The following DROSHA variants were observed in gnomAD, a reference collection of about 807,000 sequenced individuals.
DROSHA encodes ribonuclease 3.
A neutral mutation model predicts 181.9 loss-of-function variants in DROSHA; 56 were observed. That is an observed-to-expected ratio of 0.31 (90% CI 0.25 to 0.38). The LOEUF is 0.38. DROSHA is among the 10% of genes least tolerant of loss of function. The probability of loss-of-function intolerance (pLI) is 1.00; values close to 1 mark genes in which losing one functional copy is unlikely to be tolerated. For synonymous variants in DROSHA, 524 were observed against 591.2 expected, an observed-to-expected ratio of 0.89 and a Z score of 1.65; for missense variants, 1,218 against 1,743.5, an observed-to-expected ratio of 0.70 and a Z score of 5.37.
At chr5:31,418,391 C>T (rs1742238181) in intron 30 of DROSHA, among the ~76,000 whole-genome samples, 1 of 152,176 alleles carries the variant, frequency 6.6e-6, no homozygotes, top group African/African-American at 2.4e-5. Flanking sequence ...ACTTCAGCCT[C>T]CCAAGTAACT....
intron 15 of DROSHA, among the ~76,000 whole-genome samples, chr5:31,484,186 A>C (rs1223757229): frequency 1.3e-5 from 2 of 152,014 alleles, no homozygotes; most frequent in African/African-American, 2.4e-5. Context: ...CCTGGCTAAC[A>C]CAGAGAAATC....
In DROSHA at chr5:31,529,052, T is replaced by G. The variant is rs576224164; in HGVS notation, c.8A>C (p.Gln3Pro). 6.2e-7 allele frequency: 1 copy of G among 1,613,284 alleles called. No homozygotes were observed. Among genetic ancestry groups the G allele is most frequent in the African/African-American group, 1.3e-5 (1 of 75,042 alleles). The part of the protein sequence containing the change: MM[Q>P]GNTCHRMSFH... The stretch of plus-strand genomic sequence containing the variant: ...TCACGGCACTCACCATGTGTTTCCC[T>G]GCATCATGATGTTCCGCCTGGATAT... The change falls in exon 4 of 36, where the codon CAG becomes CCG. Residue 3 changes from glutamine (Q) to proline (P), a missense_variant. Around this residue, in one of 8 missense-constraint regions of DROSHA, gnomAD observed 536 missense variants for 535.4 expected, o/e 1.00. Transcript: ENST00000344624.
intron 13 of DROSHA, 103 bp downstream of exon 13, chr5:31,493,104 A>C (rs1365374623): frequency 8.5e-7 from 1 of 1,175,586 alleles, no homozygotes; most frequent in Non-Finnish European, 1.2e-6. Flanking sequence ...TGCAGAGGAA[A>C]TGTTTCTTAG....
intron 12 of DROSHA, among the ~76,000 whole-genome samples, chr5:31,494,819 T>C (rs1220029188): frequency 2.7e-5 from 4 of 150,092 alleles, no homozygotes; most frequent in East Asian, 3.9e-4. Context: ...GGACTACAGG[T>C]GCCCGCCACC....
At chr5:31,502,823 C>T (rs1580321581) in intron 11 of DROSHA, among the ~76,000 whole-genome samples, 1 of 152,218 alleles carries the variant, frequency 6.6e-6, no homozygotes, top group African/African-American at 2.4e-5. Context: ...TGAGAGATAG[C>T]GCTGTGGGGA....
chr5:31,418,672 G>A (rs561714837), intron 30 of DROSHA, among the ~76,000 whole-genome samples: 1 of 152,222 alleles, frequency 6.6e-6, no homozygotes, highest in South Asian at 2.1e-4. Flanking sequence ...ATAAGGAAGA[G>A]GATAAATTCA....
At chr5:31,529,739 A>AAC (rs1741042109) in intron 3 of DROSHA, among the ~76,000 whole-genome samples, 1 of 149,996 alleles carries the variant, frequency 6.7e-6, no homozygotes, top group African/African-American at 2.5e-5. Context: ...ACAAACAAAA[A>AAC]AAAAAAAACA....
intron 12 of DROSHA, among the ~76,000 whole-genome samples, chr5:31,494,110 A>T (rs1752703895): frequency 6.6e-6 from 1 of 152,056 alleles, no homozygotes; most frequent in Admixed American, 6.5e-5. Flanking sequence ...CTGGGATTAC[A>T]GGCGTGCACC....
At chr5:31,446,902 T>C (rs1370606309) in intron 23 of DROSHA, among the ~76,000 whole-genome samples, 7 of 152,148 alleles carry the variant, frequency 4.6e-5, no homozygotes, top group Non-Finnish European at 1.0e-4. Context: ...TAGCCAGGCA[T>C]GCTGGCGCAC....
intron 25 of DROSHA, among the ~76,000 whole-genome samples, chr5:31,432,454 GAGTA>G (rs1744293238): frequency 6.6e-6 from 1 of 152,130 alleles, no homozygotes; most frequent in Non-Finnish European, 1.5e-5. Context: ...TTATGTGGTA[GAGTA>G]AGTGAGGACC....
intron 35 of DROSHA, among the ~76,000 whole-genome samples, chr5:31,404,479 T>C (rs1056434308): frequency 6.6e-6 from 1 of 152,162 alleles, no homozygotes; most frequent in African/African-American, 2.4e-5. Flanking sequence ...CTGCTTGCCT[T>C]TCCTGGAATC....
chr5:31,502,705 T>C (rs1203534201), intron 11 of DROSHA, among the ~76,000 whole-genome samples: 1 of 152,176 alleles, frequency 6.6e-6, no homozygotes, highest in Non-Finnish European at 1.5e-5. Flanking sequence ...TAAGGATGTA[T>C]GGATGAAAGC....
intron 17 of DROSHA, among the ~76,000 whole-genome samples, chr5:31,468,881 A>G (rs1381618879): frequency 3.9e-5 from 6 of 152,096 alleles, no homozygotes; most frequent in Non-Finnish European, 8.8e-5. Flanking sequence ...GAGGCCAATA[A>G]TCTTCATTCT....
At chr5:31,500,100 C>T (rs1388955901) in intron 11 of DROSHA, among the ~76,000 whole-genome samples, 1 of 152,172 alleles carries the variant, frequency 6.6e-6, no homozygotes, top group Non-Finnish European at 1.5e-5. Context: ...TTAAGAGCAA[C>T]CACTCACTTG....
intron 11 of DROSHA, among the ~76,000 whole-genome samples, chr5:31,500,444 T>C (rs1753466072): frequency 6.6e-6 from 1 of 152,192 alleles, no homozygotes; most frequent in South Asian, 2.1e-4. Context: ...GCATGGCTCC[T>C]AAAAGCATGA....
chr5:31,463,293 C>A (rs948384579), intron 20 of DROSHA, among the ~76,000 whole-genome samples: 1 of 152,116 alleles, frequency 6.6e-6, no homozygotes, highest in Non-Finnish European at 1.5e-5. Context: ...TAGCTTTGGA[C>A]GTCACTTAGT....
intron 30 of DROSHA, among the ~76,000 whole-genome samples, chr5:31,420,687 C>A (rs187110891): frequency 1.3e-5 from 2 of 152,116 alleles, no homozygotes; most frequent in Non-Finnish European, 2.9e-5. Flanking sequence ...CTTGCATAGA[C>A]ATTTCTTCCC....
intron 35 of DROSHA, among the ~76,000 whole-genome samples, chr5:31,401,919 G>A (rs1740050869): frequency 6.6e-6 from 1 of 152,128 alleles, no homozygotes; most frequent in African/African-American, 2.4e-5. Flanking sequence ...TTCTGGGAGA[G>A]ATGAAAGGAT....
rs1739121817 is a variant in DROSHA, at chr5:31,515,053, TAAG to T, written c.1222_1224del (p.Leu408del). On this transcript the variant is annotated inframe_deletion, in exon 8 of 36. Coordinates refer to ENST00000344624, the MANE Select transcript of DROSHA (RefSeq NM_001382508.1). ...TGAGTGCATCGAATCCACACAGGCT[TAAG>T]AAGTTCTTCTTCTTCCTCCTCATTC... 6.2e-7 allele frequency: 1 copy of T among 1,613,894 alleles called. No individual in the cohort carries two copies. The highest frequency in any genetic ancestry group is 1.3e-5 in the African/African-American group (1 of 74,936).
Sources: gnomAD v4.1 joint callset for allele counts (sites outside exome capture counted in the v4.1 genomes callset) on GRCh38, gnomAD v4.1.1 for gene constraint, gnomAD v4.1.1 regional missense constraint, MANE v1.5 for transcripts, NCBI Gene and HGNC (gene_info 2026-07-23, HGNC 2026-07-21) for gene names.